The following KDM4C variants were observed in gnomAD, a reference collection of about 807,000 sequenced individuals.
The protein encoded by KDM4C is lysine-specific demethylase 4C.
KDM4C carries 81 observed loss-of-function variants against 129.3 expected under a neutral mutation model. The observed-to-expected ratio is 0.63, with a 90% CI of 0.52 to 0.75. KDM4C has a LOEUF of 0.75. Ranked by LOEUF, KDM4C falls within the 30% of genes least tolerant of loss-of-function variation. The pLI is 0.00. For synonymous variants in KDM4C, 573 were observed against 456.1 expected, an observed-to-expected ratio of 1.26 and a Z score of -3.26; for missense variants, 1,457 against 1,304.0, an observed-to-expected ratio of 1.12 and a Z score of -1.81.
intron 10 of KDM4C, 123 bp from the exon 11 acceptor site, chr9:6,986,211 GTGTGCATGTA>G: frequency 1.6e-6 from 1 of 623,804 alleles, no homozygotes; most frequent in Non-Finnish European, 2.8e-6. Context: ...TGTTTTGTGT[GTGTGCATGTA>G]TGTGCATGCG....
Position 7,037,537 on chromosome 9 carries a change from G to A in KDM4C, c.2260-9325G>A, listed in dbSNP as rs1587130555. ...CTGAGGCATAAAGAAATCATTCCAT[G>A]TTATGAATTGCTATGCTAACTTTTC... On this transcript the variant is annotated intron_variant, in intron 15 of 21. Transcript: ENST00000381309. Among the ~76,000 whole-genome samples the A allele has an allele frequency of 3.3e-5, 5 of 152,186 alleles. No homozygotes were observed. The East Asian group carries it at 9.7e-4, about 29-fold the overall frequency.
Position 6,732,672 on chromosome 9 carries a change from T to C in KDM4C, c.49+11675T>C, listed in dbSNP as rs1057428896. On this transcript the variant is annotated intron_variant, in intron 1 of 17. Coordinates refer to the KDM4C transcript ENST00000536108. ...AAAGTACTCACTTCCTAAACCGGGATTGAACCCAGCCCTCTATTGTAAAAT... is the reference window on the plus strand; with the variant it reads ...AAAGTACTCACTTCCTAAACCGGGACTGAACCCAGCCCTCTATTGTAAAAT... 3.3e-5 allele frequency among the ~76,000 whole-genome samples: 5 copies of C among 152,248 alleles called. No homozygotes were observed. In the South Asian group the frequency reaches 1.0e-3, roughly 32 times the overall value.
chr9:6,969,625 G>T (rs1468117627), intron 8 of KDM4C, among the ~76,000 whole-genome samples: 1 of 152,136 alleles, frequency 6.6e-6, no homozygotes, highest in East Asian at 1.9e-4. Flanking sequence ...TCCATCCCAT[G>T]CTGACTATCA....
intron 17 of KDM4C, among the ~76,000 whole-genome samples, chr9:7,093,630 A>G (rs1339051675): frequency 6.6e-6 from 1 of 152,124 alleles, no homozygotes; most frequent in Non-Finnish European, 1.5e-5. Context: ...GGTAAAGCGT[A>G]TGGACCTCTT....
At chr9:6,884,613 T>C (rs1844975635) in intron 6 of KDM4C, among the ~76,000 whole-genome samples, 2 of 152,154 alleles carry the variant, frequency 1.3e-5, no homozygotes, top group South Asian at 4.1e-4. Context: ...AGTTTGGAAA[T>C]AGATCTACAT....
chr9:6,922,467 C>A (rs950874378), intron 8 of KDM4C, among the ~76,000 whole-genome samples: 1 of 152,218 alleles, frequency 6.6e-6, no homozygotes, highest in African/African-American at 2.4e-5. Context: ...ATCTTCCAGG[C>A]TGTGCATGTT....
chr9:6,826,696 T>C (rs1438615971), intron 4 of KDM4C, among the ~76,000 whole-genome samples: 1 of 151,990 alleles, frequency 6.6e-6, no homozygotes, highest in East Asian at 1.9e-4. Context: ...TGAAACCCTG[T>C]CTCTACTAAA....
At chr9:6,744,543 A>C (rs1262797156) in intron 1 of KDM4C, among the ~76,000 whole-genome samples, 2 of 151,984 alleles carry the variant, frequency 1.3e-5, no homozygotes, top group Non-Finnish European at 2.9e-5. Flanking sequence ...AAAAAGAAAA[A>C]ACTAGTAACA....
intron 17 of KDM4C, among the ~76,000 whole-genome samples, chr9:7,103,162 A>G (rs1837295452): frequency 6.6e-6 from 1 of 152,170 alleles, no homozygotes. Flanking sequence ...TAGTTTCCAC[A>G]TTGGACCATT....
Position 6,727,597 on chromosome 9 carries a change from TA to T in KDM4C, c.49+6610del, listed in dbSNP as rs528302011. 9.2e-5 allele frequency among the ~76,000 whole-genome samples: 8 copies of T among 86,504 alleles called. 1 individual carries two copies. The highest frequency in any genetic ancestry group is 1.4e-4 in the Non-Finnish European group (6 of 41,970). The allele number at this position is 86,504 out of a possible 152,430, so 56.7% of individuals were successfully genotyped here. A position where few individuals can be genotyped will look rare whatever the true frequency, so the allele number is the denominator to read the frequency against. Reference sequence around the variant, plus strand: ...CGGTGAAACTCAGTCTCTACTAAAATAAAAAAAAAACTTGTACTAGTGTTGT... The same window carrying T: ...CGGTGAAACTCAGTCTCTACTAAAATAAAAAAAAACTTGTACTAGTGTTGT... On this transcript the variant is annotated intron_variant, in intron 1 of 17. Transcript: ENST00000536108.
rs533853972 is a variant in KDM4C, at chr9:7,110,286, GT to G, written c.2610+6420del. ...TGCCATGAAAGGTGCACATTACCAT[GT>G]TTTGTTTCATTTGAGTGCTGGCTAA... On this transcript the variant is annotated intron_variant, in intron 18 of 21. Coordinates refer to ENST00000381309, the MANE Select transcript of KDM4C (RefSeq NM_015061.6). Among the ~76,000 whole-genome samples the G allele has an allele frequency of 3.3e-5, 5 of 152,148 alleles. No individual in the cohort carries two copies. In the South Asian group the frequency reaches 1.0e-3, roughly 32 times the overall value.
intron 5 of KDM4C, among the ~76,000 whole-genome samples, chr9:6,867,012 TATATA>T (rs1479092442): frequency 3.3e-3 from 327 of 100,018 alleles, no homozygotes; most frequent in African/African-American, 0.012. Context: ...TATATATATA[TATATA>T]TTTTTTTTTT....
At chr9:6,766,254 C>G (rs1820602742) in intron 1 of KDM4C, among the ~76,000 whole-genome samples, 1 of 152,126 alleles carries the variant, frequency 6.6e-6, no homozygotes, top group Non-Finnish European at 1.5e-5. Context: ...AATTTGAAAT[C>G]TGAAATGAGC....
chr9:7,152,878 G>T (rs1842844385), intron 19 of KDM4C, among the ~76,000 whole-genome samples: 1 of 152,160 alleles, frequency 6.6e-6, no homozygotes. Flanking sequence ...GGGAAAGATT[G>T]TGCATGTATA....
rs562358018 is a variant in KDM4C at position 6,729,407 on chromosome 9, G to C, written c.49+8410G>C. On this transcript the variant is annotated intron_variant, in intron 1 of 17. Coordinates refer to the KDM4C transcript ENST00000536108. ...ATACAAAAAACTAGCCAGGTGTGTT[G>C]GCACGCTCCTGTTGTCCCAGTTACT... is the stretch of plus-strand genomic sequence containing the variant. Among the ~76,000 whole-genome samples, 3 of 128,744 alleles carry C rather than the reference G, an allele frequency of 2.3e-5. 1 individual carries two copies. The highest frequency in any genetic ancestry group is 1.0e-4 in the African/African-American group (3 of 29,382). 84.5% of individuals were successfully genotyped at this position (128,744 alleles called of 152,430 possible). A position where few individuals can be genotyped will look rare whatever the true frequency, so the allele number is the denominator to read the frequency against.
In KDM4C at chr9:7,103,820, C is replaced by T; in HGVS notation, c.2560C>T (p.Pro854Ser). 6.2e-7 allele frequency: 1 copy of T among 1,614,000 alleles called. No homozygotes were observed. The highest frequency in any genetic ancestry group is 8.5e-7 in the Non-Finnish European group (1 of 1,179,956). Reference sequence around the variant, plus strand: ...GGTACTGATGGAGCCTGATGACTGGCCTTATGTGGTGAACATTACATGCTT... The same window carrying T: ...GGTACTGATGGAGCCTGATGACTGGTCTTATGTGGTGAACATTACATGCTT... ...AGVLMEPDDW[P>S]YVVNITCFRH... The change falls in exon 18 of 22, where the codon CCT becomes TCT. Residue 854 changes from proline (P) to serine (S), a missense_variant. Transcript: ENST00000381309.
chr9:7,000,278 T>G (rs1001701312), intron 12 of KDM4C, among the ~76,000 whole-genome samples: 2 of 152,200 alleles, frequency 1.3e-5, no homozygotes, highest in African/African-American at 2.4e-5. Context: ...AGTGGCTTGG[T>G]CAGGTTTTGA....
chr9:6,754,983 A>G (rs1229675542), upstream of KDM4C, among the ~76,000 whole-genome samples: 5 of 152,118 alleles, frequency 3.3e-5, no homozygotes, highest in African/African-American at 1.2e-4. Flanking sequence ...CACGTCTGTA[A>G]TCTCAGCACT....
intron 5 of KDM4C, among the ~76,000 whole-genome samples, chr9:6,850,432 C>T (rs993646529): frequency 1.3e-5 from 2 of 152,074 alleles, no homozygotes; most frequent in East Asian, 1.9e-4. Flanking sequence ...TCATCCTCCT[C>T]TAATTATTTT....
Sources: gnomAD v4.1 joint callset for allele counts (sites outside exome capture counted in the v4.1 genomes callset) on GRCh38, gnomAD v4.1.1 for gene constraint, MANE v1.5 for transcripts, NCBI Gene and HGNC (gene_info 2026-07-23, HGNC 2026-07-21) for gene names.